Variants in ENOX1 observed in about 807,000 individuals in gnomAD.
The protein encoded by ENOX1 is ecto-NOX disulfide-thiol exchanger 1.
ENOX1 carries 42 observed loss-of-function variants against 82.5 expected under a neutral mutation model. The ratio of observed to expected loss-of-function variants is 0.51; its 90% CI spans 0.40 to 0.66. The LOEUF (loss-of-function observed/expected upper bound fraction) is 0.66. Ranked by LOEUF, ENOX1 falls within the 30% of genes least tolerant of loss-of-function variation. The probability of loss-of-function intolerance (pLI) is 0.00; values close to 1 mark genes in which losing one functional copy is unlikely to be tolerated. For synonymous variants in ENOX1, 271 were observed against 282.2 expected, an observed-to-expected ratio of 0.96 and a Z score of 0.40; for missense variants, 608 against 811.6, an observed-to-expected ratio of 0.75 and a Z score of 3.05.
At chr13:43,286,762 T>A (rs1333017081) in intron 12 of ENOX1, among the ~76,000 whole-genome samples, 1 of 152,228 alleles carries the variant, frequency 6.6e-6, no homozygotes, top group Non-Finnish European at 1.5e-5. Flanking sequence ...AGAGATTTAT[T>A]TTCATGATTC....
chr13:43,270,426 T>C (rs2153482091), intron 12 of ENOX1, among the ~76,000 whole-genome samples: 1 of 152,254 alleles, frequency 6.6e-6, no homozygotes, highest in Admixed American at 6.5e-5. Flanking sequence ...TACATAACAA[T>C]TGCTGTACTA....
intron 1 of ENOX1, among the ~76,000 whole-genome samples, chr13:43,775,307 A>C (rs1594766317): frequency 6.6e-6 from 1 of 151,782 alleles, no homozygotes; most frequent in East Asian, 1.9e-4. Flanking sequence ...GTGCATCCCT[A>C]ATATTTTTAT....
chr13:43,378,750 C>T (rs1412440367), intron 5 of ENOX1, among the ~76,000 whole-genome samples: 1 of 152,088 alleles, frequency 6.6e-6, no homozygotes, highest in African/African-American at 2.4e-5. Flanking sequence ...TACCCAGCAC[C>T]TAGCAAGGTA....
intron 1 of ENOX1, among the ~76,000 whole-genome samples, chr13:43,723,738 T>C (rs1038868510): frequency 2.0e-5 from 3 of 151,968 alleles, no homozygotes; most frequent in Non-Finnish European, 4.4e-5. Flanking sequence ...AAATTGGTGG[T>C]GGCATTTTAA....
chr13:43,565,387 T>C (rs945346474), intron 2 of ENOX1, among the ~76,000 whole-genome samples: 1 of 152,152 alleles, frequency 6.6e-6, no homozygotes, highest in Admixed American at 6.5e-5. Context: ...CTTCGTTCTG[T>C]TGACTGCCAG....
chr13:43,443,462 T>G (rs1318309413), intron 3 of ENOX1, among the ~76,000 whole-genome samples: 1 of 152,232 alleles, frequency 6.6e-6, no homozygotes, highest in Non-Finnish European at 1.5e-5. Flanking sequence ...GAGCTGGCAC[T>G]GACATAATTT....
chr13:43,486,078 C>T (rs1026869636), intron 2 of ENOX1, among the ~76,000 whole-genome samples: 5 of 152,216 alleles, frequency 3.3e-5, no homozygotes, highest in Admixed American at 2.0e-4. Flanking sequence ...GGCATGGTGG[C>T]GGGTGCCTGT....
At chr13:43,336,394 G>C (rs1269259051) in intron 9 of ENOX1, among the ~76,000 whole-genome samples, 1 of 152,182 alleles carries the variant, frequency 6.6e-6, no homozygotes, top group Non-Finnish European at 1.5e-5. Flanking sequence ...AGACACTTGA[G>C]GCTTTTACAA....
chr13:43,452,549 GTC>G (rs2057024866), intron 3 of ENOX1, among the ~76,000 whole-genome samples: 1 of 152,104 alleles, frequency 6.6e-6, no homozygotes, highest in Non-Finnish European at 1.5e-5. Flanking sequence ...TTGAGACGGA[GTC>G]TCTCTCTGTC....
intron 12 of ENOX1, among the ~76,000 whole-genome samples, chr13:43,287,617 A>T (rs932486415): frequency 6.6e-6 from 1 of 152,214 alleles, no homozygotes; most frequent in African/African-American, 2.4e-5. Context: ...AGGTGGCATC[A>T]GTACGGCTTA....
At chr13:43,275,146 T>C (rs2044930719) in intron 12 of ENOX1, among the ~76,000 whole-genome samples, 1 of 152,200 alleles carries the variant, frequency 6.6e-6, no homozygotes, top group Non-Finnish European at 1.5e-5. Flanking sequence ...ACGACTTCTA[T>C]CTAAACATTC....
intron 2 of ENOX1, among the ~76,000 whole-genome samples, chr13:43,621,233 A>G (rs964142651): frequency 6.6e-6 from 1 of 152,080 alleles, no homozygotes; most frequent in Non-Finnish European, 1.5e-5. Flanking sequence ...ATTTATATTC[A>G]ATGTTAGTAT....
intron 1 of ENOX1, among the ~76,000 whole-genome samples, chr13:43,776,552 C>T (rs1951929759): frequency 6.6e-6 from 1 of 152,160 alleles, no homozygotes; most frequent in Non-Finnish European, 1.5e-5. Flanking sequence ...AACAGAAATA[C>T]CTTCAAGATT....
chr13:43,700,676 G>A lies in ENOX1; in HGVS notation c.-284-33132C>T, dbSNP rs145838941. ...GGATCAAAATCCCTAAATATCAAACGCCCTTTAAATCAAAATCTTAAAGTC... is the reference window on the plus strand; with the variant it reads ...GGATCAAAATCCCTAAATATCAAACACCCTTTAAATCAAAATCTTAAAGTC... On this transcript the variant is annotated intron_variant, in intron 1 of 16. Transcript: ENST00000690772. 7.5e-4 allele frequency among the ~76,000 whole-genome samples: 114 copies of A among 152,050 alleles called. 1 individual carries two copies. Among genetic ancestry groups the A allele is most frequent in the African/African-American group, 2.6e-3 (108 of 41,520 alleles).
At chr13:43,236,908 T>C (rs567407037) in intron 14 of ENOX1, among the ~76,000 whole-genome samples, 170 bp from the exon 15 acceptor site, 1 of 152,352 alleles carries the variant, frequency 6.6e-6, no homozygotes, top group East Asian at 1.9e-4. Context: ...AGAAAAGTAA[T>C]TATGTAAAGT....
chr13:43,643,217 C>T (rs1050422795), intron 2 of ENOX1, among the ~76,000 whole-genome samples: 2 of 152,100 alleles, frequency 1.3e-5, no homozygotes, highest in African/African-American at 2.4e-5. Flanking sequence ...TGCCAAGGAC[C>T]GAGGGTAGGT....
intron 5 of ENOX1, among the ~76,000 whole-genome samples, chr13:43,405,928 T>C (rs1203292241): frequency 3.9e-5 from 6 of 152,218 alleles, no homozygotes; most frequent in African/African-American, 1.4e-4. Flanking sequence ...CCACTTATCA[T>C]GTTAATTTGT....
intron 2 of ENOX1, among the ~76,000 whole-genome samples, chr13:43,554,634 T>C (rs1174625490): frequency 6.6e-6 from 1 of 152,184 alleles, no homozygotes; most frequent in Non-Finnish European, 1.5e-5. Context: ...TAGAGTGCAG[T>C]GGCACCATCT....
chr13:43,490,990 A>G (rs1415650949), intron 2 of ENOX1, among the ~76,000 whole-genome samples: 1 of 152,186 alleles, frequency 6.6e-6, no homozygotes, highest in Non-Finnish European at 1.5e-5. Flanking sequence ...TTAGATTGCT[A>G]TAAAGAAACA....
Sources: gnomAD v4.1 joint callset for allele counts (sites outside exome capture counted in the v4.1 genomes callset) on GRCh38, gnomAD v4.1.1 for gene constraint, MANE v1.5 for transcripts, NCBI Gene and HGNC (gene_info 2026-07-23, HGNC 2026-07-21) for gene names.